The following GARRE1 variants were observed in gnomAD, a reference collection of about 807,000 sequenced individuals.
The protein encoded by GARRE1 is granule associated Rac and RHOG effector protein 1.
Under a neutral mutation model 103.2 loss-of-function variants are expected in GARRE1, and 49 were observed. The observed-to-expected ratio is 0.47, with a 90% CI of 0.38 to 0.60. The LOEUF is 0.60. Among genes scored for constraint, GARRE1 ranks in the 20% least tolerant of loss-of-function variants. GARRE1 has a pLI of 0.00. For synonymous variants in GARRE1, 505 were observed against 532.8 expected (o/e 0.95, Z 0.72); for missense variants, 1,199 against 1,370.5 (o/e 0.87, Z 1.98).
chr19:34,311,128 G>A (rs1387706699), intron 2 of GARRE1, among the ~76,000 whole-genome samples: 1 of 152,036 alleles, frequency 6.6e-6, no homozygotes, highest in Non-Finnish European at 1.5e-5. Flanking sequence ...AACTATCTGG[G>A]TCTACAGGTG....
At chr19:34,274,178 G>A (rs2145959905) in intron 1 of GARRE1, among the ~76,000 whole-genome samples, 1 of 152,178 alleles carries the variant, frequency 6.6e-6, no homozygotes, top group African/African-American at 2.4e-5. Context: ...GGCCGCGGCG[G>A]GTGGATCACC....
At chr19:34,340,468 C>CTTTTCTT (rs2074180762) in intron 9 of GARRE1, among the ~76,000 whole-genome samples, 1 of 151,248 alleles carries the variant, frequency 6.6e-6, no homozygotes, top group Non-Finnish European at 1.5e-5. Context: ...CTTTTCTTTT[C>CTTTTCTT]TTTTCTGTCT....
intron 8 of GARRE1, among the ~76,000 whole-genome samples, chr19:34,336,960 AC>A (rs2074163635): frequency 6.7e-6 from 1 of 150,230 alleles, no homozygotes; most frequent in Non-Finnish European, 1.5e-5. Context: ...AACTCATTGC[AC>A]CCCCGCAAAA....
At chr19:34,315,660 A>G (rs913507773) in intron 2 of GARRE1, among the ~76,000 whole-genome samples, 28 of 143,978 alleles carry the variant, frequency 1.9e-4, no homozygotes, top group African/African-American at 6.6e-4. Flanking sequence ...GCAGTGAGCC[A>G]AGATTGTGCC....
chr19:34,323,938 A>G (rs575850645), intron 3 of GARRE1, among the ~76,000 whole-genome samples: 11 of 152,058 alleles, frequency 7.2e-5, no homozygotes, highest in Admixed American at 3.3e-4. Context: ...AGCAAATAGA[A>G]TCTCCCTGAT....
intron 1 of GARRE1, among the ~76,000 whole-genome samples, chr19:34,288,872 C>G (rs544171427): frequency 6.6e-6 from 1 of 152,366 alleles, no homozygotes; most frequent in Non-Finnish European, 1.5e-5. Flanking sequence ...TGGCTCATGC[C>G]TGTAATCCCA....
In GARRE1 at chr19:34,339,939, A is replaced by G. The variant is rs765340032; in HGVS notation, c.1434A>G (p.Leu478=). The change falls in exon 9 of 14, where the codon CTA becomes CTG. Residue 478 remains leucine, a synonymous_variant. Coordinates refer to ENST00000299505, the MANE Select transcript of GARRE1 (RefSeq NM_014686.5). ...TTGATCCTGAGAAGACCCTGGGTCT[A>G]GTGGACGTGCTCTACACAGCTGTGC... ...RSLDPEKTLG[L]VDVLYTAVLD... is the part of the protein sequence containing the mutation. The G allele has an allele frequency of 1.2e-4, 190 of 1,613,870 alleles. No individual in the cohort carries two copies. Among genetic ancestry groups the G allele is most frequent in the Non-Finnish European group, 1.5e-4 (180 of 1,179,982 alleles).
intron 9 of GARRE1, 99 bp from the exon 10 acceptor site, chr19:34,341,323 T>G: frequency 9.8e-7 from 1 of 1,024,036 alleles, no homozygotes; most frequent in Non-Finnish European, 1.4e-6. Flanking sequence ...CCTGAGAGGT[T>G]TTTCTTGCTC....
intron 3 of GARRE1, among the ~76,000 whole-genome samples, chr19:34,325,487 C>G (rs1424967645): frequency 6.6e-6 from 1 of 152,186 alleles, no homozygotes; most frequent in Non-Finnish European, 1.5e-5. Flanking sequence ...GAGATTTATC[C>G]TTCAGCATTT....
chr19:34,273,642 G>A (rs538706392), intron 1 of GARRE1, among the ~76,000 whole-genome samples: 38 of 152,308 alleles, frequency 2.5e-4, no homozygotes, highest in African/African-American at 8.2e-4. Flanking sequence ...ACCGGCAGTT[G>A]TGATCTAGCA....
Position 34,349,144 on chromosome 19 carries a change from A to G in GARRE1, c.2816A>G (p.Lys939Arg). The change falls in exon 12 of 14, where the codon AAG (lysine) becomes AGG (arginine). Residue 939 changes from lysine (K) to arginine (R), a missense_variant. By Grantham distance (26) the Lys-to-Arg change is conservative. Coordinates refer to ENST00000299505, the MANE Select transcript of GARRE1 (RefSeq NM_014686.5). ...FSGPDLVAAV[K>R]QRRKHSSGEQ... ...GGGCCTGACCTCGTTGCTGCTGTCA[A>G]GCAGAGAAGGTATGAAGGGATTTCT... The G allele has an allele frequency of 6.2e-7, 1 of 1,612,342 alleles. No individual in the cohort carries two copies. Among genetic ancestry groups the G allele is most frequent in the Non-Finnish European group, 8.5e-7 (1 of 1,180,012 alleles).
intron 8 of GARRE1, among the ~76,000 whole-genome samples, chr19:34,337,877 G>A (rs983133606): frequency 1.3e-5 from 2 of 152,360 alleles, no homozygotes; most frequent in East Asian, 3.9e-4. Context: ...GTCACAACCA[G>A]ACTTGGCTTG....
At chr19:34,269,258 CA>C (rs2145956517) in intron 1 of GARRE1, among the ~76,000 whole-genome samples, 1 of 152,310 alleles carries the variant, frequency 6.6e-6, no homozygotes, top group African/African-American at 2.4e-5. Context: ...CACGTGGAAG[CA>C]GGTTGTTCCC....
chr19:34,284,072 C>T (rs1308312932), intron 1 of GARRE1, among the ~76,000 whole-genome samples: 2 of 149,394 alleles, frequency 1.3e-5, no homozygotes, highest in Non-Finnish European at 3.0e-5. Context: ...CCTCGTGATC[C>T]GCCCGCCTCA....
At chr19:34,279,307 T>A (rs565773287) in intron 1 of GARRE1, among the ~76,000 whole-genome samples, 1 of 152,148 alleles carries the variant, frequency 6.6e-6, no homozygotes, top group Non-Finnish European at 1.5e-5. Flanking sequence ...CTTTTTGTTT[T>A]GTTTTGTTTT....
Position 34,351,518 on chromosome 19 carries a change from C to T in GARRE1, c.2830C>T (p.His944Tyr), listed in dbSNP as rs758230191. ...CTGAGCTCTTGGTTCTTGCAGGAAACACAGCAGTGGAGAGCAAGACACCAG... is the reference window on the plus strand; with the variant it reads ...CTGAGCTCTTGGTTCTTGCAGGAAATACAGCAGTGGAGAGCAAGACACCAG... ...LVAAVKQRRK[H>Y]SSGEQDTSTL... Residue 944 changes from histidine (H) to tyrosine (Y), a missense_variant, in exon 13 of 14, where the codon CAC (histidine) becomes TAC (tyrosine). His to Tyr is a moderately conservative substitution (Grantham distance 83). Coordinates refer to ENST00000299505, the MANE Select transcript of GARRE1 (RefSeq NM_014686.5). 6.2e-7 allele frequency: 1 copy of T among 1,613,584 alleles called. No individual in the cohort carries two copies. The highest frequency in any genetic ancestry group is 1.1e-5 in the South Asian group (1 of 91,072).
chr19:34,262,287 CTTTTTTTTTTTTTTT>C (rs1018456778), intron 1 of GARRE1, among the ~76,000 whole-genome samples: 47 of 35,760 alleles, frequency 1.3e-3, no homozygotes, highest in African/African-American at 4.8e-3. Context: ...CCAGCTGCTG[CTTTTTTTTTTTTTTT>C]TTTTTTTTTT....
intron 13 of GARRE1, among the ~76,000 whole-genome samples, chr19:34,352,263 A>G (rs1192274677): frequency 2.0e-5 from 3 of 152,020 alleles, no homozygotes; most frequent in Non-Finnish European, 2.9e-5. Context: ...TTAGCCAGGC[A>G]TGGTGGCATG....
chr19:34,328,226 C>G (rs964836302), intron 6 of GARRE1, 75 bp downstream of exon 6: 11 of 1,511,452 alleles, frequency 7.3e-6, no homozygotes, highest in Non-Finnish European at 9.0e-6. Flanking sequence ...TAAAGGCTTG[C>G]GAAGGATGTA....
Sources: allele counts gnomAD v4.1 joint callset (sites outside exome capture counted in the v4.1 genomes callset), GRCh38; gene constraint gnomAD v4.1.1; transcripts MANE v1.5; gene names NCBI Gene and HGNC (gene_info 2026-07-23, HGNC 2026-07-21).